Variants in RMND1 observed in about 807,000 individuals in gnomAD.
RMND1 encodes the protein required for meiotic nuclear division protein 1 homolog.
A neutral mutation model predicts 54.0 loss-of-function variants in RMND1; 41 were observed. The ratio of observed to expected loss-of-function variants is 0.76; its 90% confidence interval spans 0.59 to 0.98. The LOEUF is 0.98. Ranked by LOEUF, RMND1 falls within the 50% of genes least tolerant of loss-of-function variation. RMND1 has a pLI of 0.00. For missense variants in RMND1, 457 were observed against 532.0 expected, an observed-to-expected ratio of 0.86 and a Z score of 1.39; for synonymous variants, 183 against 181.7, an observed-to-expected ratio of 1.01 and a Z score of -0.06.
intron 1 of RMND1, chr6:151,446,067 G>A: frequency 2.6e-6 from 1 of 389,102 alleles, no homozygotes. Flanking sequence ...GACATAACAA[G>A]AACCTTAAAA....
chr6:151,443,480 T>A (rs1780849623), intron 2 of RMND1, among the ~76,000 whole-genome samples: 1 of 151,992 alleles, frequency 6.6e-6, no homozygotes, highest in Non-Finnish European at 1.5e-5. Flanking sequence ...CCTGGCTAAT[T>A]TTTGTATATT....
At chr6:151,409,255 T>G (rs1779727932) in intron 10 of RMND1, among the ~76,000 whole-genome samples, 1 of 152,314 alleles carries the variant, frequency 6.6e-6, no homozygotes, top group Admixed American at 6.5e-5. Context: ...TTCCCCTGTT[T>G]CACCAGCCTA....
At chr6:151,445,062 C>G (rs1780912296) in intron 2 of RMND1, 1 of 405,396 alleles carries the variant, frequency 2.5e-6, no homozygotes, top group African/African-American at 2.0e-5. Flanking sequence ...GACCAATAAC[C>G]AAATCTTTTA....
At chr6:151,406,677 C>CTAA (rs983062417) in intron 10 of RMND1, among the ~76,000 whole-genome samples, 16 of 152,022 alleles carry the variant, frequency 1.1e-4, no homozygotes, top group African/African-American at 3.9e-4. Context: ...AAATACCTAC[C>CTAA]TAATATCTTT....
intron 4 of RMND1, 106 bp from the exon 5 acceptor site, chr6:151,430,283 T>C: frequency 1.4e-6 from 1 of 730,054 alleles, no homozygotes; most frequent in Non-Finnish European, 2.3e-6. Flanking sequence ...GATGCGATTT[T>C]TCAAAATATG....
intron 10 of RMND1, among the ~76,000 whole-genome samples, chr6:151,406,886 T>C (rs1266745457): frequency 6.6e-6 from 1 of 152,060 alleles, no homozygotes; most frequent in Non-Finnish European, 1.5e-5. Context: ...TAGGCTGGGC[T>C]CGGTGGCTTA....
At position 151,433,213 on chromosome 6, in the gene RMND1, C is replaced by T. The variant is rs771894262; in HGVS notation, c.631G>A (p.Val211Met). Residue 211 changes from valine to methionine, a missense_variant, in exon 4 of 12, where the codon GTG (valine) becomes ATG (methionine). Val to Met is a conservative substitution (Grantham distance 21, BLOSUM62 1). Coordinates refer to ENST00000444024, the MANE Select transcript of RMND1 (RefSeq NM_017909.4). The stretch of plus-strand genomic sequence containing the variant: ...TTTGCAGAATTTTCCACACCCATCA[C>T]CAAAATATTTGCTGCATCTGTGATT... ...SLPRDAANIL[V>M]MGVENSAKEG... 7 of 1,611,464 alleles carry T rather than the reference C, an allele frequency of 4.3e-6. No individual in the cohort carries two copies. Among genetic ancestry groups the T allele is most frequent in the Middle Eastern group, 1.7e-4 (1 of 6,050 alleles).
intron 9 of RMND1, among the ~76,000 whole-genome samples, chr6:151,419,802 C>T (rs956895373): frequency 6.6e-6 from 1 of 151,578 alleles, no homozygotes; most frequent in Admixed American, 6.6e-5. Flanking sequence ...ATCCTTTATT[C>T]TCCCCAAGGA....
chr6:151,451,729 G>C (rs575331560), intron 1 of RMND1, among the ~76,000 whole-genome samples: 68 of 152,304 alleles, frequency 4.5e-4, no homozygotes, highest in African/African-American at 1.5e-3. Flanking sequence ...GCTACGATTC[G>C]AGAGCTAAGT....
At chr6:151,413,518 G>A (rs984940774) in intron 10 of RMND1, among the ~76,000 whole-genome samples, 4 of 152,208 alleles carry the variant, frequency 2.6e-5, no homozygotes, top group African/African-American at 9.6e-5. Context: ...GGGGTAACAG[G>A]CGTGAGCCAC....
At chr6:151,415,792 CAAAA>C (rs3029408) in intron 10 of RMND1, among the ~76,000 whole-genome samples, 16,790 of 93,648 alleles carry the variant, frequency 0.18, 1,076 homozygotes, top group East Asian at 0.36. Context: ...GACTCCGTCT[CAAAA>C]AAAAAAAAAA....
Position 151,438,204 on chromosome 6 carries a change from T to C in RMND1, c.505-1650A>G, listed in dbSNP as rs561322937. Among the ~76,000 whole-genome samples the C allele has an allele frequency of 1.1e-4, 16 of 152,336 alleles. No individual in the cohort carries two copies. In the South Asian group the frequency reaches 3.3e-3, roughly 32 times the overall value. ...TTAAAACTAGCTGATGTACGATGTGTGTAAAGATTCGGCCAGCTGAAAGAA... is the reference window on the plus strand; with the variant it reads ...TTAAAACTAGCTGATGTACGATGTGCGTAAAGATTCGGCCAGCTGAAAGAA... On this transcript the variant is annotated intron_variant, in intron 2 of 11. Coordinates refer to ENST00000444024, the MANE Select transcript of RMND1 (RefSeq NM_017909.4).
chr6:151,441,907 G>A (rs1299849359), intron 2 of RMND1, among the ~76,000 whole-genome samples: 2 of 152,196 alleles, frequency 1.3e-5, no homozygotes, highest in Non-Finnish European at 2.9e-5. Flanking sequence ...CATAGAGCTG[G>A]TTGGTCAGAA....
chr6:151,418,390 G>T (rs924273852), intron 9 of RMND1: 2 of 151,764 alleles, frequency 1.3e-5, no homozygotes, highest in Non-Finnish European at 2.9e-5. Flanking sequence ...CTCCAGCCTA[G>T]GCAACATAGT....
intron 1 of RMND1, among the ~76,000 whole-genome samples, chr6:151,449,048 G>C (rs1029379305): frequency 3.4e-5 from 4 of 116,196 alleles, no homozygotes; most frequent in African/African-American, 7.0e-5. Flanking sequence ...GCAACAAAGC[G>C]AGACTCTGTC....
At chr6:151,429,171 G>C (rs1221721949) in intron 5 of RMND1, among the ~76,000 whole-genome samples, 1 of 151,470 alleles carries the variant, frequency 6.6e-6, no homozygotes, top group East Asian at 1.9e-4. Flanking sequence ...TCCCAGGCTG[G>C]AGTGCAATGG....
At chr6:151,423,249 A>G (rs1385826986) in intron 7 of RMND1, among the ~76,000 whole-genome samples, 1 of 152,204 alleles carries the variant, frequency 6.6e-6, no homozygotes, top group Non-Finnish European at 1.5e-5. Context: ...ACAATCGCAT[A>G]GAGAGAAGAG....
At chr6:151,451,198 T>TAAA (rs58457871) in intron 1 of RMND1, among the ~76,000 whole-genome samples, 4,800 of 113,226 alleles carry the variant, frequency 0.042, 210 homozygotes, top group East Asian at 0.18. Flanking sequence ...GAATGATCAA[T>TAAA]AAAAAAAAAA....
chr6:151,418,090 G>A (rs1482298286), intron 9 of RMND1, among the ~76,000 whole-genome samples: 1 of 152,094 alleles, frequency 6.6e-6, no homozygotes. Flanking sequence ...ACAGGTGTGA[G>A]CCACCATTCC....
Sources: allele counts gnomAD v4.1 joint callset (sites outside exome capture counted in the v4.1 genomes callset), GRCh38; gene constraint gnomAD v4.1.1; transcripts MANE v1.5; gene names NCBI Gene and HGNC (gene_info 2026-07-23, HGNC 2026-07-21).